The following SCTR variants were observed in gnomAD, a reference collection of about 807,000 sequenced individuals.
SCTR encodes the protein secretin receptor.
In SCTR, 56 loss-of-function variants were observed where a neutral mutation model predicts 60.8. That is an observed-to-expected ratio of 0.92 (90% CI 0.74 to 1.15). The LOEUF is 1.15. SCTR is among the 50% of genes most tolerant of loss of function. The pLI is 0.00. For missense variants in SCTR, 562 were observed against 550.4 expected, an observed-to-expected ratio of 1.02 and a Z score of -0.21; for synonymous variants, 202 against 217.0, an observed-to-expected ratio of 0.93 and a Z score of 0.61.
intron 9 of SCTR, among the ~76,000 whole-genome samples, chr2:119,449,952 G>A (rs1408923849): frequency 9.5e-6 from 1 of 105,708 alleles, no homozygotes; most frequent in Non-Finnish European, 1.9e-5. Context: ...AAAGAAGGAA[G>A]GAAGGAAGGA....
chr2:119,451,942 C>T (rs1683186430), intron 9 of SCTR, 68 bp downstream of exon 9: 16 of 962,076 alleles, frequency 1.7e-5, no homozygotes, highest in Non-Finnish European at 2.3e-5. Flanking sequence ...CACCCTCTGC[C>T]CCTGTGGGCT....
chr2:119,450,497 A>G (rs1683119758), intron 9 of SCTR, among the ~76,000 whole-genome samples: 3 of 152,182 alleles, frequency 2.0e-5, no homozygotes, highest in African/African-American at 7.2e-5. Context: ...ATGAAACAGG[A>G]AAGCTCACAT....
chr2:119,485,998 A>T (rs1414102288), intron 2 of SCTR: 2 of 151,814 alleles, frequency 1.3e-5, no homozygotes, highest in African/African-American at 4.8e-5. Context: ...CTTGACCTAC[A>T]GTCTTAAGTC....
intron 7 of SCTR, among the ~76,000 whole-genome samples, chr2:119,459,392 G>A (rs1223698195): frequency 1.3e-5 from 2 of 150,278 alleles, no homozygotes; most frequent in Non-Finnish European, 2.9e-5. Context: ...TTCAATCTGT[G>A]GGACTAGGGT....
At chr2:119,474,256 G>T (rs867010512) in intron 3 of SCTR, among the ~76,000 whole-genome samples, 2 of 152,186 alleles carry the variant, frequency 1.3e-5, no homozygotes, top group African/African-American at 4.8e-5. Context: ...CTTATCAAAC[G>T]CGGGCTGGCT....
At chr2:119,468,537 G>C (rs1370625493) in intron 4 of SCTR, among the ~76,000 whole-genome samples, 2 of 152,214 alleles carry the variant, frequency 1.3e-5, no homozygotes, top group Non-Finnish European at 2.9e-5. Flanking sequence ...GTGTCAGATA[G>C]AGTACCTAGA....
intron 11 of SCTR, among the ~76,000 whole-genome samples, chr2:119,444,270 T>C (rs2579639): frequency 0.55 from 56,115 of 101,482 alleles, 14,830 homozygotes; most frequent in Admixed American, 0.6. Context: ...AATATATACA[T>C]ATATACATAT....
rs748166802 is a variant in SCTR, at chr2:119,464,238, C to A, written c.521G>T (p.Arg174Leu). 3 of 1,614,140 alleles carry A rather than the reference C, an allele frequency of 1.9e-6. No individual in the cohort carries two copies. The highest frequency in any genetic ancestry group is 3.3e-5 in the Admixed American group (2 of 60,012). ...LCAFRRLHCT[R>L]NYIHMHLFVS... ...GAACAGGTGCATGTGGATGTAGTTG[C>A]GAGTGCAGTGGAGCCTCCTGCAGGG... The change falls in exon 6 of 13, where the codon CGC becomes CTC. Residue 174 changes from arginine (R) to leucine (L), a missense_variant. Coordinates refer to ENST00000019103, the MANE Select transcript of SCTR (RefSeq NM_002980.3).
intron 1 of SCTR, among the ~76,000 whole-genome samples, chr2:119,507,444 C>T (rs1161149253): frequency 6.6e-6 from 1 of 152,118 alleles, no homozygotes; most frequent in Non-Finnish European, 1.5e-5. Context: ...CCTGCTATCA[C>T]TAAGTGAACA....
intron 1 of SCTR, among the ~76,000 whole-genome samples, chr2:119,507,764 T>G (rs898232188): frequency 1.4e-5 from 2 of 144,804 alleles, no homozygotes; most frequent in African/African-American, 5.1e-5. Context: ...CTGCAACCTC[T>G]GCCTCCCAGG....
intron 11 of SCTR, among the ~76,000 whole-genome samples, chr2:119,444,430 A>AATATACACATATATATACGTACGTATAT (rs201213318): frequency 1.4e-5 from 1 of 73,738 alleles, no homozygotes; most frequent in African/African-American, 5.9e-5. Flanking sequence ...TATACGTATG[A>AATATACACATATATATACGTACGTATAT]ATATACACAT....
At chr2:119,478,093 C>A (rs1352371622) in intron 3 of SCTR, among the ~76,000 whole-genome samples, 1 of 152,208 alleles carries the variant, frequency 6.6e-6, no homozygotes, top group Non-Finnish European at 1.5e-5. Flanking sequence ...TATTCTTGTT[C>A]AGGCTTCATC....
intron 2 of SCTR, 186 bp from the exon 3 acceptor site, chr2:119,479,104 A>T (rs965887177): frequency 1.5e-5 from 21 of 1,427,130 alleles, no homozygotes; most frequent in Non-Finnish European, 1.8e-5. Context: ...GGACTCTGCC[A>T]TGTACACGGT....
chr2:119,468,557 G>A (rs1683932405), intron 4 of SCTR, among the ~76,000 whole-genome samples: 1 of 152,204 alleles, frequency 6.6e-6, no homozygotes, highest in Non-Finnish European at 1.5e-5. Flanking sequence ...ACAATGCCTT[G>A]GCATGTAGGA....
intron 12 of SCTR, 59 bp downstream of exon 12, chr2:119,441,499 A>G (rs1682652523): frequency 7.1e-7 from 1 of 1,415,514 alleles, no homozygotes; most frequent in South Asian, 1.2e-5. Flanking sequence ...GCTCCTTCTG[A>G]CCCGGAAACC....
intron 2 of SCTR, 30 bp from the exon 3 acceptor site, chr2:119,478,948 T>C (rs1677470775): frequency 6.2e-7 from 1 of 1,613,670 alleles, no homozygotes; most frequent in Non-Finnish European, 8.5e-7. Context: ...CAGACAAGGA[T>C]GGGGGATGGA....
chr2:119,498,936 C>T (rs2579659), intron 1 of SCTR, among the ~76,000 whole-genome samples: 126,402 of 151,954 alleles, frequency 0.83, 52,635 homozygotes, highest in East Asian at 0.88. Flanking sequence ...AAAAGAGAGA[C>T]TGGCATATTG....
chr2:119,507,277 A>G (rs1678770836), intron 1 of SCTR, among the ~76,000 whole-genome samples: 1 of 152,254 alleles, frequency 6.6e-6, no homozygotes, highest in African/African-American at 2.4e-5. Context: ...AGACAAACTT[A>G]TATGTACAGT....
Position 119,448,791 on chromosome 2 carries a change from C to T in SCTR, c.922-11G>A. The stretch of plus-strand genomic sequence containing the variant: ...AAGGATGAAATTAATCTGCAAAACA[C>T]AAGGCAGAGGTGGGGCTGAAGGCAT... On this transcript the variant is annotated splice_polypyrimidine_tract_variant and intron_variant, in intron 9 of 12. Transcript: ENST00000019103. The T allele has an allele frequency of 6.7e-7, 1 of 1,501,708 alleles. No individual in the cohort carries two copies. The highest frequency in any genetic ancestry group is 9.3e-7 in the Non-Finnish European group (1 of 1,078,606). 93.0% of individuals were successfully genotyped at this position (1,501,708 alleles called of 1,614,324 possible).
Sources: gnomAD v4.1 joint callset for allele counts (sites outside exome capture counted in the v4.1 genomes callset) on GRCh38, gnomAD v4.1.1 for gene constraint, MANE v1.5 for transcripts, NCBI Gene and HGNC (gene_info 2026-07-23, HGNC 2026-07-21) for gene names.